The following DLG2 variants were observed in gnomAD, a reference collection of about 807,000 sequenced individuals.
DLG2 encodes the protein discs large MAGUK scaffold protein 2, also known as disks large homolog 2.
DLG2 carries 45 observed loss-of-function variants against 132.5 expected under a neutral mutation model. The ratio of observed to expected loss-of-function variants is 0.34; its 90% CI spans 0.27 to 0.44. The LOEUF (loss-of-function observed/expected upper bound fraction) is 0.44, where lower values mean the gene tolerates loss of function less well. Ranked by LOEUF, DLG2 falls within the 20% of genes least tolerant of loss-of-function variation. The pLI, the probability that DLG2 is intolerant of heterozygous loss-of-function variation, is 1.00. For synonymous variants in DLG2, 424 were observed against 419.6 expected, an observed-to-expected ratio of 1.01 and a Z score of -0.13; for missense variants, 1,045 against 1,196.9, an observed-to-expected ratio of 0.87 and a Z score of 1.87.
intron 19 of DLG2, among the ~76,000 whole-genome samples, chr11:83,554,723 G>A (rs572038633): frequency 6.6e-6 from 1 of 152,302 alleles, no homozygotes; most frequent in Admixed American, 6.5e-5. Flanking sequence ...CATTGGGCTG[G>A]ACTGACTGGG....
intron 6 of DLG2, among the ~76,000 whole-genome samples, chr11:84,728,304 T>C (rs1477960872): frequency 6.6e-6 from 1 of 152,006 alleles, no homozygotes; most frequent in Non-Finnish European, 1.5e-5. Flanking sequence ...CATGAAGGGG[T>C]GTTGAATTTT....
At chr11:85,296,371 T>C (rs118065792) in intron 3 of DLG2, among the ~76,000 whole-genome samples, 334 of 151,974 alleles carry the variant, frequency 2.2e-3, no homozygotes, top group Non-Finnish European at 3.8e-3. Context: ...GTCTCTGACA[T>C]GTAAAATACA....
chr11:83,913,825 G>C (rs2076473396), intron 15 of DLG2, among the ~76,000 whole-genome samples: 1 of 152,142 alleles, frequency 6.6e-6, no homozygotes, highest in Non-Finnish European at 1.5e-5. Flanking sequence ...TGAAGGACAG[G>C]TGATGTGGAG....
intron 6 of DLG2, among the ~76,000 whole-genome samples, chr11:84,558,911 T>C (rs1397969834): frequency 6.6e-6 from 1 of 152,200 alleles, no homozygotes; most frequent in Non-Finnish European, 1.5e-5. Flanking sequence ...AGCAGTTAGC[T>C]ATGATTCTCC....
At chr11:84,740,676 G>GAA (rs2064492921) in intron 6 of DLG2, among the ~76,000 whole-genome samples, 1 of 152,162 alleles carries the variant, frequency 6.6e-6, no homozygotes, top group African/African-American at 2.4e-5. Context: ...TGCAGAGCCT[G>GAA]AACCCAGAAT....
intron 2 of DLG2, among the ~76,000 whole-genome samples, chr11:85,606,818 G>A (rs1208035893): frequency 6.6e-6 from 1 of 152,132 alleles, no homozygotes; most frequent in Non-Finnish European, 1.5e-5. Context: ...ACCTTTAAGA[G>A]CTGTAACACT....
intron 18 of DLG2, among the ~76,000 whole-genome samples, chr11:83,711,375 A>G (rs1320775814): frequency 1.3e-5 from 2 of 152,182 alleles, no homozygotes; most frequent in Non-Finnish European, 1.5e-5. Flanking sequence ...CCTCTGTGGT[A>G]TCATTTGCTA....
intron 4 of DLG2, among the ~76,000 whole-genome samples, chr11:85,178,039 T>C (rs776934613): frequency 2.6e-5 from 4 of 152,040 alleles, no homozygotes; most frequent in South Asian, 2.1e-4. Flanking sequence ...TAAAAAGACA[T>C]GAAAACTAAA....
intron 21 of DLG2, among the ~76,000 whole-genome samples, chr11:83,501,987 T>C (rs1157583467): frequency 6.6e-6 from 1 of 152,152 alleles, no homozygotes; most frequent in African/African-American, 2.4e-5. Flanking sequence ...AAATTTTCTT[T>C]TGCACTCTTC....
At chr11:84,594,028 A>G (rs1039924564) in intron 6 of DLG2, among the ~76,000 whole-genome samples, 5 of 152,112 alleles carry the variant, frequency 3.3e-5, no homozygotes, top group Admixed American at 6.6e-5. Flanking sequence ...ATTTTTTTTA[A>G]TTTCAAGAAA....
intron 11 of DLG2, among the ~76,000 whole-genome samples, chr11:84,036,563 T>A (rs973067567): frequency 6.6e-6 from 1 of 152,152 alleles, no homozygotes; most frequent in Non-Finnish European, 1.5e-5. Flanking sequence ...ACTATTACAT[T>A]TTCCATGATA....
intron 3 of DLG2, among the ~76,000 whole-genome samples, chr11:85,512,373 A>G (rs1392529537): frequency 6.6e-6 from 1 of 152,150 alleles, no homozygotes; most frequent in Non-Finnish European, 1.5e-5. Flanking sequence ...AGTGGAATGC[A>G]TACAGTTTTT....
intron 20 of DLG2, among the ~76,000 whole-genome samples, chr11:83,535,199 G>A (rs2095851869): frequency 6.6e-6 from 1 of 152,292 alleles, no homozygotes; most frequent in Admixed American, 6.5e-5. Flanking sequence ...TAAAACTGTT[G>A]TTACAGCCCT....
intron 3 of DLG2, among the ~76,000 whole-genome samples, chr11:85,350,475 T>A (rs1183793542): frequency 6.6e-6 from 1 of 152,230 alleles, no homozygotes; most frequent in Non-Finnish European, 1.5e-5. Context: ...AGTCATGAAG[T>A]CCTTGCCCAT....
At chr11:83,575,230 T>C (rs1357590352) in intron 19 of DLG2, among the ~76,000 whole-genome samples, 1 of 152,152 alleles carries the variant, frequency 6.6e-6, no homozygotes, top group African/African-American at 2.4e-5. Flanking sequence ...GAATAATGAT[T>C]TCCCAGACAC....
chr11:83,948,353 T>C (rs1219855033), intron 14 of DLG2, among the ~76,000 whole-genome samples: 3 of 152,084 alleles, frequency 2.0e-5, no homozygotes, highest in African/African-American at 7.2e-5. Flanking sequence ...CAACCACAGC[T>C]AAGTTCTTTC....
chr11:83,965,656 T>C (rs2090003440), intron 12 of DLG2, among the ~76,000 whole-genome samples, 188 bp from the exon 13 acceptor site: 1 of 151,980 alleles, frequency 6.6e-6, no homozygotes, highest in African/African-American at 2.4e-5. Context: ...ATAAGGTTGC[T>C]TCTGCCTTTT....
chr11:85,546,291 T>A (rs947587439), intron 3 of DLG2, among the ~76,000 whole-genome samples: 3 of 152,206 alleles, frequency 2.0e-5, no homozygotes, highest in Admixed American at 2.0e-4. Flanking sequence ...TTCTATGCAG[T>A]TGTGTGATTT....
At chr11:83,996,004 T>C (rs2094001758) in intron 11 of DLG2, among the ~76,000 whole-genome samples, 1 of 152,010 alleles carries the variant, frequency 6.6e-6, no homozygotes, top group Non-Finnish European at 1.5e-5. Context: ...AGGCTTCTGA[T>C]AGTAAAGGAA....
Sources: gnomAD v4.1 joint callset for allele counts (sites outside exome capture counted in the v4.1 genomes callset) on GRCh38, gnomAD v4.1.1 for gene constraint, MANE v1.5 for transcripts, NCBI Gene and HGNC (gene_info 2026-07-23, HGNC 2026-07-21) for gene names.